Variants in DMD observed in about 807,000 individuals in gnomAD.
DMD encodes the protein mutant dystrophin.
In DMD, 63 loss-of-function variants were observed where a neutral mutation model predicts 330.1. The observed-to-expected ratio is 0.19, with a 90% confidence interval of 0.16 to 0.24. The LOEUF (loss-of-function observed/expected upper bound fraction) is 0.24. Ranked by LOEUF, DMD falls within the 10% of genes least tolerant of loss-of-function variation. The pLI, the probability that DMD is intolerant of heterozygous loss-of-function variation, is 1.00. For missense variants in DMD, 3,344 were observed against 2,684.1 expected (o/e 1.25, Z -5.43); for synonymous variants, 1,223 against 959.8 (o/e 1.27, Z -5.07).
At chrX:31,801,088 G>A (rs1218970450) in intron 50 of DMD, among the ~76,000 whole-genome samples, 1 of 111,483 alleles carries the variant, frequency 9.0e-6, no homozygotes, top group African/African-American at 3.3e-5. Context: ...CCAATTTACT[G>A]TATTAGTCCG....
chrX:32,960,760 T>C (rs2091852405), intron 2 of DMD, among the ~76,000 whole-genome samples: 1 of 110,890 alleles, frequency 9.0e-6, no homozygotes, highest in African/African-American at 3.3e-5. Flanking sequence ...CGTCCACTTT[T>C]GCTTATCTTT....
chrX:31,284,146 G>A (rs1218524657), intron 62 of DMD, among the ~76,000 whole-genome samples: 3 of 111,640 alleles, frequency 2.7e-5, no homozygotes, highest in African/African-American at 9.8e-5. Flanking sequence ...ATTGAATACT[G>A]TACTGAAAGT....
chrX:32,915,395 G>A (rs1285049818), intron 2 of DMD, among the ~76,000 whole-genome samples: 2 of 111,907 alleles, frequency 1.8e-5, no homozygotes, highest in South Asian at 3.7e-4. Flanking sequence ...TTAGGCGACC[G>A]CTTACATTTT....
chrX:31,762,613 C>A (rs2089690682), intron 51 of DMD, among the ~76,000 whole-genome samples: 1 of 111,170 alleles, frequency 9.0e-6, no homozygotes, highest in South Asian at 3.8e-4. Flanking sequence ...AAGAAAGTCT[C>A]ATGTTGGAGA....
chrX:31,368,542 C>T (rs2049001971), intron 60 of DMD, among the ~76,000 whole-genome samples: 1 of 111,973 alleles, frequency 8.9e-6, no homozygotes, highest in Admixed American at 9.4e-5. Flanking sequence ...TTGTTTTCTT[C>T]TGTACACTTC....
At chrX:32,706,755 C>A (rs1027892902) in intron 7 of DMD, among the ~76,000 whole-genome samples, 2 of 111,207 alleles carry the variant, frequency 1.8e-5, no homozygotes, top group African/African-American at 6.5e-5. Flanking sequence ...TATCATGCAG[C>A]CAATCCAGTA....
chrX:33,085,993 T>C (rs1216268825), intron 1 of DMD: 3 of 112,175 alleles, frequency 2.7e-5, no homozygotes, highest in East Asian at 2.8e-4. Flanking sequence ...AAATGTCAGA[T>C]GTGTATAATA....
At chrX:32,345,134 G>A (rs757885718) in intron 39 of DMD, among the ~76,000 whole-genome samples, 18 of 111,259 alleles carry the variant, frequency 1.6e-4, no homozygotes, top group Non-Finnish European at 3.2e-4. Flanking sequence ...TAGCTCAAAA[G>A]AGTGATTTAC....
chrX:31,266,752 G>C (rs758708806), intron 62 of DMD: 2 of 1,112,832 alleles, frequency 1.8e-6, no homozygotes, highest in Admixed American at 2.3e-5. Context: ...CCCCCTGCTC[G>C]CGCCACAAGT....
At chrX:31,405,012 T>C (rs766077413) in intron 60 of DMD, among the ~76,000 whole-genome samples, 6 of 111,657 alleles carry the variant, frequency 5.4e-5, no homozygotes, top group Non-Finnish European at 1.1e-4. Context: ...TAATGTCAAT[T>C]AGAGAGAAAT....
intron 1 of DMD, among the ~76,000 whole-genome samples, chrX:33,044,881 T>G (rs1226761491): frequency 8.9e-6 from 1 of 112,040 alleles, no homozygotes; most frequent in Non-Finnish European, 1.9e-5. Flanking sequence ...AACACAATAG[T>G]TGTATAAAAA....
chrX:31,495,388 T>C (rs1214083616), intron 57 of DMD, among the ~76,000 whole-genome samples: 1 of 111,690 alleles, frequency 9.0e-6, no homozygotes, highest in African/African-American at 3.2e-5. Context: ...TTTCTGTTCT[T>C]GTATCTTTTA....
rs755514865 is a variant in DMD at position 32,290,789 on chromosome X, G to T, written c.6118-3088C>A. On this transcript the variant is annotated intron_variant, in intron 42 of 78. Coordinates refer to ENST00000357033, the MANE Select transcript of DMD (RefSeq NM_004006.3). ...TAAGTAGGTTTTATTGTAGTAGTAA[G>T]AAAGGATATGGTTTGAAGAATTGAA... 5.4e-5 allele frequency among the ~76,000 whole-genome samples: 6 copies of T among 111,837 alleles called. No individual in the cohort carries two copies. In the East Asian group the frequency reaches 1.7e-3, roughly 31 times the overall value.
intron 1 of DMD, among the ~76,000 whole-genome samples, chrX:33,238,684 T>G (rs1242527901): frequency 1.8e-5 from 2 of 111,542 alleles, no homozygotes; most frequent in African/African-American, 6.5e-5. Context: ...AAACTGAGAT[T>G]TAGTAAGTTT....
chrX:32,093,266 G>A (rs938955209), intron 44 of DMD, among the ~76,000 whole-genome samples: 5 of 111,889 alleles, frequency 4.5e-5, no homozygotes, highest in African/African-American at 1.6e-4. Flanking sequence ...ACTGATGGAC[G>A]TTTAGGTTGA....
At chrX:32,500,591 G>C (rs1378223307) in intron 19 of DMD, among the ~76,000 whole-genome samples, 1 of 111,231 alleles carries the variant, frequency 9.0e-6, no homozygotes, top group Non-Finnish European at 1.9e-5. Flanking sequence ...ATAACAACTA[G>C]GAGAATATTT....
chrX:32,808,681 G>C (rs2077127009), intron 7 of DMD, among the ~76,000 whole-genome samples: 1 of 111,836 alleles, frequency 8.9e-6, no homozygotes, highest in Non-Finnish European at 1.9e-5. Context: ...TTAATTATCA[G>C]CTTCTATTGT....
chrX:31,327,196 A>G (rs888062831), intron 61 of DMD, among the ~76,000 whole-genome samples: 1 of 112,427 alleles, frequency 8.9e-6, no homozygotes, highest in Non-Finnish European at 1.9e-5. Context: ...CACTGAATTT[A>G]GATAGCAAAC....
chrX:31,722,546 C>T (rs776441524), intron 52 of DMD, among the ~76,000 whole-genome samples: 16 of 111,507 alleles, frequency 1.4e-4, no homozygotes, highest in Non-Finnish European at 2.3e-4. Flanking sequence ...ATTAGACCTA[C>T]AAGGCAAACA....
Sources: gnomAD v4.1 joint callset for allele counts (sites outside exome capture counted in the v4.1 genomes callset) on GRCh38, gnomAD v4.1.1 for gene constraint, MANE v1.5 for transcripts, NCBI Gene and HGNC (gene_info 2026-07-23, HGNC 2026-07-21) for gene names.